NELL1: variants seen among roughly 807,000 people sequenced by gnomAD.
The protein encoded by NELL1 is neural EGFL like 1.
In NELL1, 76 loss-of-function variants were observed where a neutral mutation model predicts 107.4. The ratio of observed to expected loss-of-function variants is 0.71; its 90% CI spans 0.59 to 0.86. The LOEUF (loss-of-function observed/expected upper bound fraction) is 0.86. Ranked by LOEUF, NELL1 falls within the 40% of genes least tolerant of loss-of-function variation. The probability of loss-of-function intolerance (pLI) is 0.00; values close to 1 mark genes in which losing one functional copy is unlikely to be tolerated. For missense variants in NELL1, 1,024 were observed against 1,005.5 expected (o/e 1.02, Z -0.25); for synonymous variants, 353 against 341.2 (o/e 1.03, Z -0.38).
chr11:21,527,093 T>A (rs1855874392), intron 15 of NELL1, among the ~76,000 whole-genome samples: 1 of 152,176 alleles, frequency 6.6e-6, no homozygotes, highest in Non-Finnish European at 1.5e-5. Context: ...GCTTAGAAAT[T>A]TCTTCCACCA....
rs556370350 is a variant in NELL1, at chr11:21,322,155, A to T, written c.1550-48698A>T. On this transcript the variant is annotated intron_variant, in intron 14 of 19. Transcript: ENST00000357134. ...TGCAATGACAGGAAATGCGTGGACA[A>T]CTCAGAACAATCCCTTTCCAATTTT... 4.3e-3 allele frequency among the ~76,000 whole-genome samples: 659 copies of T among 152,294 alleles called. 4 individuals are homozygous for T. The highest frequency in any genetic ancestry group is 7.6e-3 in the Non-Finnish European group (518 of 68,024).
intron 5 of NELL1, among the ~76,000 whole-genome samples, chr11:20,915,450 C>T (rs1233298156): frequency 6.6e-6 from 1 of 151,304 alleles, no homozygotes; most frequent in Non-Finnish European, 1.5e-5. Context: ...AGGTGATTCT[C>T]AGGAACTTGA....
intron 2 of NELL1, among the ~76,000 whole-genome samples, chr11:20,738,079 T>G (rs1453850543): frequency 7.1e-6 from 1 of 141,044 alleles, no homozygotes; most frequent in Admixed American, 7.3e-5. Flanking sequence ...CTATCATCTA[T>G]GACACAGTGT....
intron 13 of NELL1, among the ~76,000 whole-genome samples, chr11:21,138,544 G>T (rs1260150): frequency 6.6e-6 from 1 of 151,996 alleles, no homozygotes; most frequent in Admixed American, 6.5e-5. Flanking sequence ...TGAAAACAAA[G>T]TCTGCCCCCT....
At chr11:21,487,880 A>C (rs562754836) in intron 15 of NELL1, among the ~76,000 whole-genome samples, 60 of 152,330 alleles carry the variant, frequency 3.9e-4, no homozygotes, top group South Asian at 1.2e-3. Flanking sequence ...AGGAGTAGCT[A>C]TACTTATTTC....
chr11:21,304,302 T>C (rs1183692597), intron 14 of NELL1, among the ~76,000 whole-genome samples: 1 of 152,046 alleles, frequency 6.6e-6, no homozygotes, highest in Non-Finnish European at 1.5e-5. Flanking sequence ...TAGATGCCTT[T>C]GTATATGTAC....
chr11:21,466,436 AC>A (rs1196052938), intron 15 of NELL1, among the ~76,000 whole-genome samples: 2 of 152,128 alleles, frequency 1.3e-5, no homozygotes, highest in Non-Finnish European at 2.9e-5. Flanking sequence ...GTGACAGATG[AC>A]TGGGGCATTA....
At chr11:21,097,783 T>A (rs1854686056) in intron 12 of NELL1, among the ~76,000 whole-genome samples, 1 of 152,200 alleles carries the variant, frequency 6.6e-6, no homozygotes, top group Non-Finnish European at 1.5e-5. Flanking sequence ...TACAATGTGT[T>A]AAAACTGCAT....
intron 14 of NELL1, among the ~76,000 whole-genome samples, chr11:21,365,278 G>A (rs1222108755): frequency 3.3e-5 from 5 of 152,264 alleles, no homozygotes; most frequent in African/African-American, 4.8e-5. Context: ...CATTATCTGC[G>A]CATAGTAGGT....
intron 12 of NELL1, among the ~76,000 whole-genome samples, chr11:21,110,349 A>C (rs1319117395): frequency 3.3e-5 from 5 of 152,168 alleles, no homozygotes; most frequent in African/African-American, 1.2e-4. Context: ...GGGTTGGATT[A>C]AATCCATGTA....
chr11:21,225,186 G>A (rs972015349), intron 13 of NELL1, among the ~76,000 whole-genome samples: 3 of 152,168 alleles, frequency 2.0e-5, no homozygotes, highest in African/African-American at 7.2e-5. Flanking sequence ...TGGATCCTAT[G>A]AATGGATACA....
intron 2 of NELL1, among the ~76,000 whole-genome samples, chr11:20,767,700 G>C (rs548700128): frequency 2.0e-5 from 3 of 151,768 alleles, no homozygotes; most frequent in Admixed American, 2.0e-4. Flanking sequence ...ACAGTGAAGA[G>C]GGAACCAGCA....
intron 3 of NELL1, among the ~76,000 whole-genome samples, chr11:20,805,533 T>G (rs1857364421): frequency 6.6e-6 from 1 of 152,226 alleles, no homozygotes; most frequent in Non-Finnish European, 1.5e-5. Context: ...TTATTATTAT[T>G]TTTTGAGATG....
At chr11:21,351,076 G>A (rs187835346) in intron 14 of NELL1, among the ~76,000 whole-genome samples, 121 of 152,148 alleles carry the variant, frequency 8.0e-4, no homozygotes, top group Admixed American at 7.4e-3. Context: ...AGGGCAATTC[G>A]ACACAGAGCA....
At chr11:20,787,684 G>A (rs1856995742) in intron 3 of NELL1, among the ~76,000 whole-genome samples, 1 of 152,174 alleles carries the variant, frequency 6.6e-6, no homozygotes, top group South Asian at 2.1e-4. Flanking sequence ...AGTTAAATAA[G>A]TATTTGAAAC....
intron 14 of NELL1, among the ~76,000 whole-genome samples, chr11:21,329,836 G>C (rs1020986151): frequency 7.2e-5 from 11 of 152,008 alleles, no homozygotes; most frequent in African/African-American, 2.7e-4. Context: ...GTGATCTATA[G>C]AGATGTTATT....
intron 13 of NELL1, among the ~76,000 whole-genome samples, chr11:21,206,888 A>C (rs1857401108): frequency 6.6e-6 from 1 of 151,962 alleles, no homozygotes; most frequent in African/African-American, 2.4e-5. Context: ...TGTCTTCAGA[A>C]CTCCTCTAGG....
chr11:20,845,103 A>C (rs1486108210), intron 3 of NELL1, among the ~76,000 whole-genome samples: 2 of 152,204 alleles, frequency 1.3e-5, no homozygotes, highest in Non-Finnish European at 2.9e-5. Context: ...GTTATCTGAC[A>C]TGTGTTTTCA....
At chr11:21,020,918 G>A (rs1357489229) in intron 12 of NELL1, among the ~76,000 whole-genome samples, 1 of 151,608 alleles carries the variant, frequency 6.6e-6, no homozygotes. Flanking sequence ...GCAGTGATCT[G>A]TGGAGTTGTT....
Sources: gnomAD v4.1 joint callset for allele counts (sites outside exome capture counted in the v4.1 genomes callset) on GRCh38, gnomAD v4.1.1 for gene constraint, MANE v1.5 for transcripts, NCBI Gene and HGNC (gene_info 2026-07-23, HGNC 2026-07-21) for gene names.